The following SIRT5 variants were observed in gnomAD, a reference collection of about 807,000 sequenced individuals.
SIRT5 encodes the protein sirtuin 5.
A neutral mutation model predicts 40.0 loss-of-function variants in SIRT5; 26 were observed. The ratio of observed to expected loss-of-function variants is 0.65; its 90% confidence interval spans 0.48 to 0.90. SIRT5 has a LOEUF of 0.90. Among genes scored for constraint, SIRT5 ranks in the 40% least tolerant of loss-of-function variants. SIRT5 has a pLI of 0.00. For synonymous variants in SIRT5, 146 were observed against 149.1 expected (o/e 0.98, Z 0.15); for missense variants, 401 against 402.4 (o/e 1.00, Z 0.03).
intron 1 of SIRT5, among the ~76,000 whole-genome samples, chr6:13,575,473 C>T (rs889054784): frequency 2.6e-5 from 4 of 151,790 alleles, no homozygotes; most frequent in African/African-American, 9.7e-5. Context: ...TTATTGGGAG[C>T]CTGTACAACT....
intron 9 of SIRT5, chr6:13,605,334 C>T: frequency 1.1e-6 from 1 of 927,324 alleles, no homozygotes; most frequent in Non-Finnish European, 1.3e-6. Context: ...ACTGGCTGGT[C>T]TGCAAAGCCT....
rs982464963 is a variant in SIRT5 at position 13,583,064 on chromosome 6, G to T, written c.-35-1012G>T. Among the ~76,000 whole-genome samples, 5 of 152,056 alleles carry T rather than the reference G, an allele frequency of 3.3e-5. No homozygotes were observed. In the South Asian group the frequency reaches 1.0e-3, roughly 32 times the overall value. Reference sequence around the variant, plus strand: ...CTACCAAAAATACAAAAATTAGCCGGGCATGGTGGCGCGTGCCTGTAGTCC... The same window carrying T: ...CTACCAAAAATACAAAAATTAGCCGTGCATGGTGGCGCGTGCCTGTAGTCC... On this transcript the variant is annotated intron_variant, in intron 2 of 9. Coordinates refer to ENST00000606117, the MANE Select transcript of SIRT5 (RefSeq NM_012241.5).
intron 1 of SIRT5, among the ~76,000 whole-genome samples, chr6:13,577,511 A>T (rs562002888): frequency 6.6e-6 from 1 of 151,738 alleles, no homozygotes; most frequent in African/African-American, 2.4e-5. Context: ...AACTTCCCTG[A>T]ATTTATTAGT....
rs3734674 is a variant in SIRT5 at position 13,591,903 on chromosome 6, C to A, written c.475+9C>A. 9.8e-5 allele frequency: 157 copies of A among 1,605,438 alleles called. No individual in the cohort carries two copies. The highest frequency in any genetic ancestry group is 1.3e-4 in the Non-Finnish European group (147 of 1,173,076). ...CCTTCTGGAGATCCATGGTGAGAGA[C>A]CCCCAGCCTCCCATTCAGGGAACCA... is the stretch of plus-strand genomic sequence containing the variant. On this transcript the variant is annotated intron_variant, in intron 5 of 9. Transcript: ENST00000606117.
At chr6:13,597,746 A>C (rs1008564584) in intron 7 of SIRT5, among the ~76,000 whole-genome samples, 2 of 152,036 alleles carry the variant, frequency 1.3e-5, no homozygotes, top group African/African-American at 4.8e-5. Context: ...AGGTTTCGCC[A>C]TGTTGGCCAG....
rs202192703 is a variant in SIRT5 at position 13,612,145 on chromosome 6, A to G, written c.*280A>G. On this transcript the variant is annotated 3_prime_UTR_variant, in exon 10 of 10. Transcript: ENST00000606117. ...TATGGTTGGTTATTGGGAGGGAAAA[A>G]TTTTGTAAATTAGATTGTCTAAAAA... 6.6e-5 allele frequency: 17 copies of G among 259,006 alleles called. No homozygotes were observed. The highest frequency in any genetic ancestry group is 1.1e-4 in the Non-Finnish European group (15 of 137,192). The allele number at this position is 259,006 out of a possible 1,614,324, so 16.0% of individuals were successfully genotyped here.
intron 9 of SIRT5, among the ~76,000 whole-genome samples, chr6:13,610,442 A>G (rs1763682405): frequency 6.8e-6 from 1 of 146,250 alleles, no homozygotes; most frequent in Non-Finnish European, 1.5e-5. Flanking sequence ...GCCTACTTAC[A>G]TATGAAGGTG....
chr6:13,607,839 C>T lies in SIRT5; in HGVS notation c.858-3951C>T, dbSNP rs184235149. The stretch of plus-strand genomic sequence containing the variant: ...CACGATCTCGACTCACTGCAACCTC[C>T]GCCTCCCTGGTTCAAGCAATTCTCC... On this transcript the variant is annotated intron_variant, in intron 9 of 9. Transcript: ENST00000606117. The surrounding 1 kb of genome is among the most constrained non-coding windows in gnomAD (Gnocchi z 4.0). 1.3e-5 allele frequency among the ~76,000 whole-genome samples: 2 copies of T among 152,164 alleles called. No homozygotes were observed. Among genetic ancestry groups the T allele is most frequent in the East Asian group, 1.9e-4 (1 of 5,200 alleles).
At chr6:13,589,745 GA>G (rs1001579381) in intron 4 of SIRT5, among the ~76,000 whole-genome samples, 2 of 152,314 alleles carry the variant, frequency 1.3e-5, no homozygotes, top group African/African-American at 4.8e-5. Context: ...GGGCCAGCAA[GA>G]AAGAGGGGCC....
chr6:13,608,515 G>A (rs1429573293), intron 9 of SIRT5, among the ~76,000 whole-genome samples: 1 of 151,808 alleles, frequency 6.6e-6, no homozygotes, highest in Non-Finnish European at 1.5e-5. Flanking sequence ...GAGCCTGGGA[G>A]GCAGAAGTTG....
At position 13,608,979 on chromosome 6, in the gene SIRT5, G is replaced by C. The variant is rs376264196; in HGVS notation, c.858-2811G>C. ...TGGGATCACAGGTGCCTGCCACCACGACCAGCTAATTTTTGTATTTTTAGT... is the reference window on the plus strand; with the variant it reads ...TGGGATCACAGGTGCCTGCCACCACCACCAGCTAATTTTTGTATTTTTAGT... On this transcript the variant is annotated intron_variant, in intron 9 of 9. Transcript: ENST00000606117. Among the ~76,000 whole-genome samples, 11 of 152,168 alleles carry C rather than the reference G, an allele frequency of 7.2e-5. No homozygotes were observed. The East Asian group carries it at 1.9e-3, about 27-fold the overall frequency.
chr6:13,579,294 T>C (rs943691686), intron 1 of SIRT5, among the ~76,000 whole-genome samples, 157 bp from the exon 2 acceptor site: 3 of 152,210 alleles, frequency 2.0e-5, no homozygotes, highest in African/African-American at 7.2e-5. Context: ...ACTAAGAAAA[T>C]AGTTTTATGT....
intron 9 of SIRT5, chr6:13,605,798 T>A (rs892055138): frequency 4.7e-5 from 46 of 985,312 alleles, no homozygotes; most frequent in Non-Finnish European, 5.5e-5. Flanking sequence ...GATTTGTACA[T>A]TCGCTGAGGC....
intron 5 of SIRT5, among the ~76,000 whole-genome samples, chr6:13,593,367 A>G (rs1213750596): frequency 6.6e-6 from 1 of 152,194 alleles, no homozygotes; most frequent in Non-Finnish European, 1.5e-5. Context: ...TCTTTTGTTC[A>G]TCAGGAACAG....
At chr6:13,609,299 A>G (rs554522833) in intron 9 of SIRT5, among the ~76,000 whole-genome samples, 16 of 152,320 alleles carry the variant, frequency 1.1e-4, no homozygotes, top group African/African-American at 2.9e-4. Context: ...ATTTAATGCA[A>G]TGAGGGAGAC....
chr6:13,605,409 A>G, intron 9 of SIRT5: 1 of 983,730 alleles, frequency 1.0e-6, no homozygotes, highest in Non-Finnish European at 1.2e-6. Flanking sequence ...GTTACGGAGA[A>G]AAAAAAAATG....
rs145299575 is a variant in SIRT5, at chr6:13,591,758, G to C, written c.339G>C (p.Glu113Asp). The change falls in exon 5 of 10, where the codon GAG becomes GAC. Residue 113 changes from glutamate to aspartate, a missense_variant. Glu to Asp is a conservative substitution (Grantham distance 45, BLOSUM62 2). Transcript: ENST00000606117. The stretch of plus-strand genomic sequence containing the variant: ...GGCGGGAGGTCATGGGGAGCAAGGA[G>C]CCCAACGCCGGGCACCGCGCCATAG... The part of the protein sequence containing the change: ...HYRREVMGSK[E>D]PNAGHRAIAE... 7 of 1,613,544 alleles carry C rather than the reference G, an allele frequency of 4.3e-6. No individual in the cohort carries two copies. Among genetic ancestry groups the C allele is most frequent in the Admixed American group, 1.7e-5 (1 of 59,968 alleles).
At chr6:13,599,814 A>G (rs887018675) in intron 8 of SIRT5, among the ~76,000 whole-genome samples, 3 of 152,238 alleles carry the variant, frequency 2.0e-5, no homozygotes, top group African/African-American at 7.2e-5. Flanking sequence ...AAGTTTGCCC[A>G]CCTCTGGTCT....
intron 9 of SIRT5, among the ~76,000 whole-genome samples, chr6:13,610,114 G>A (rs992342680): frequency 1.3e-5 from 2 of 152,120 alleles, no homozygotes; most frequent in South Asian, 2.1e-4. Flanking sequence ...CTACAAGCTC[G>A]TGTCACCACG....
Sources: allele counts gnomAD v4.1 joint callset (sites outside exome capture counted in the v4.1 genomes callset), GRCh38; gene constraint gnomAD v4.1.1; non-coding constraint Gnocchi (gnomAD v3.1); transcripts MANE v1.5; gene names NCBI Gene and HGNC (gene_info 2026-07-23, HGNC 2026-07-21).